DPP8: variants seen among roughly 807,000 people sequenced by gnomAD.
DPP8 encodes the protein dipeptidyl peptidase 8.
DPP8 carries 31 observed loss-of-function variants against 107.5 expected under a neutral mutation model. The ratio of observed to expected loss-of-function variants is 0.29; its 90% CI spans 0.22 to 0.39. The LOEUF (loss-of-function observed/expected upper bound fraction) is 0.39. DPP8 is among the 10% of genes least tolerant of loss of function. The pLI is 1.00. For missense variants in DPP8, 842 were observed against 1,076.1 expected (o/e 0.78, Z 3.04); for synonymous variants, 381 against 356.6 (o/e 1.07, Z -0.77).
chr15:65,456,431 C>G (rs1158447165), intron 15 of DPP8, 60 bp from the exon 16 acceptor site: 2 of 1,498,328 alleles, frequency 1.3e-6, no homozygotes, highest in African/African-American at 1.4e-5. Flanking sequence ...CCAAGAGCGG[C>G]TGGGCATTGC....
At chr15:65,493,011 C>T (rs1443331155) in intron 5 of DPP8, among the ~76,000 whole-genome samples, 1 of 152,024 alleles carries the variant, frequency 6.6e-6, no homozygotes, top group Non-Finnish European at 1.5e-5. Context: ...AGTTTGAATC[C>T]AAAAAGAAAT....
intron 3 of DPP8, among the ~76,000 whole-genome samples, chr15:65,504,618 G>C (rs2069709194): frequency 7.1e-6 from 1 of 140,160 alleles, no homozygotes; most frequent in African/African-American, 2.7e-5. Flanking sequence ...GCAGTGAGCT[G>C]AGAACGCGCC....
rs2070808105 is a variant in DPP8, at chr15:65,511,729, C to T, written c.259+566G>A. On this transcript the variant is annotated intron_variant, in intron 2 of 19. Transcript: ENST00000300141. Reference sequence around the variant, plus strand: ...TACACACATACATACACACACCACACACACACACAAATAAATAAACACATA... The same window carrying T: ...TACACACATACATACACACACCACATACACACACAAATAAATAAACACATA... Among the ~76,000 whole-genome samples the T allele has an allele frequency of 2.2e-4, 4 of 18,100 alleles. No homozygotes were observed. The Admixed American group carries it at 3.7e-3, about 17-fold the overall frequency. 11.9% of individuals were successfully genotyped at this position (18,100 alleles called of 152,430 possible).
At chr15:65,512,883 G>A (rs945776869) in intron 1 of DPP8, 5 of 279,906 alleles carry the variant, frequency 1.8e-5, no homozygotes, top group African/African-American at 1.1e-4. Flanking sequence ...AAGGAAACAG[G>A]CCATTTGCCA....
At chr15:65,453,983 G>A (rs2064188326) in intron 17 of DPP8, among the ~76,000 whole-genome samples, 1 of 151,716 alleles carries the variant, frequency 6.6e-6, no homozygotes, top group Non-Finnish European at 1.5e-5. Flanking sequence ...CAGGTGTGGT[G>A]GTGGGCACTT....
intron 12 of DPP8, among the ~76,000 whole-genome samples, chr15:65,469,103 G>A (rs1183130628): frequency 6.6e-6 from 1 of 152,062 alleles, no homozygotes; most frequent in Non-Finnish European, 1.5e-5. Context: ...AGCCTCCTGA[G>A]TAGCTGGGAT....
chr15:65,499,340 C>A (rs910485985), intron 4 of DPP8, among the ~76,000 whole-genome samples: 1 of 151,802 alleles, frequency 6.6e-6, no homozygotes, highest in African/African-American at 2.4e-5. Flanking sequence ...TCAAGCAATT[C>A]TCGTGCTTCA....
chr15:65,488,230 C>T (rs573408274), intron 6 of DPP8, among the ~76,000 whole-genome samples: 1 of 152,162 alleles, frequency 6.6e-6, no homozygotes, highest in South Asian at 2.1e-4. Flanking sequence ...CATCTTCTAA[C>T]AAATACAACA....
rs185606849 is a variant in DPP8 at position 65,514,569 on chromosome 15, C to T, written c.-11-2005G>A. 3.9e-4 allele frequency among the ~76,000 whole-genome samples: 60 copies of T among 152,170 alleles called. No individual in the cohort carries two copies. The East Asian group carries it at 0.011, about 29-fold the overall frequency. On this transcript the variant is annotated intron_variant, in intron 1 of 19. Coordinates refer to ENST00000300141, the MANE Select transcript of DPP8 (RefSeq NM_130434.5). ...TGTCACCCAGGGTAGAGTGCAGTGG[C>T]GCGAGATCTCGGCTCACTGCAAACT...
chr15:65,476,751 C>T (rs1595956133), intron 11 of DPP8, among the ~76,000 whole-genome samples: 2 of 152,200 alleles, frequency 1.3e-5, no homozygotes, highest in South Asian at 4.1e-4. Context: ...CCCACGTCCA[C>T]AGCAGCATTA....
intron 19 of DPP8, among the ~76,000 whole-genome samples, chr15:65,448,686 A>ATATATATATAT (rs1473140344): frequency 7.3e-6 from 1 of 136,508 alleles, no homozygotes; most frequent in African/African-American, 2.8e-5. Flanking sequence ...AAAAAAAAAA[A>ATATATATATAT]AAAAATATAT....
At chr15:65,500,089 A>T (rs140870641) in intron 4 of DPP8, among the ~76,000 whole-genome samples, 3 of 151,818 alleles carry the variant, frequency 2.0e-5, no homozygotes, top group African/African-American at 7.2e-5. Flanking sequence ...TTTTGTAGAG[A>T]CAGGGTCTCT....
chr15:65,464,062 C>T (rs1436915846), intron 14 of DPP8, among the ~76,000 whole-genome samples, 156 bp from the exon 15 acceptor site: 1 of 152,048 alleles, frequency 6.6e-6, no homozygotes, highest in Non-Finnish European at 1.5e-5. Context: ...AGAGTATATT[C>T]ATCTTTAAAA....
At chr15:65,512,209 TCAAA>T (rs1227211340) in intron 2 of DPP8, 82 bp downstream of exon 2, 2 of 1,323,398 alleles carry the variant, frequency 1.5e-6, no homozygotes, top group East Asian at 4.6e-5. Context: ...AATTTATTCA[TCAAA>T]CTTTTGAGTG....
At chr15:65,516,131 C>T (rs1035712847) in intron 1 of DPP8, 3 of 239,032 alleles carry the variant, frequency 1.3e-5, no homozygotes, top group Admixed American at 5.6e-5. Context: ...TCATCAAAAA[C>T]GGCATATGAT....
intron 15 of DPP8, among the ~76,000 whole-genome samples, chr15:65,461,832 C>G (rs1224225057): frequency 6.6e-6 from 1 of 151,946 alleles, no homozygotes; most frequent in Non-Finnish European, 1.5e-5. Context: ...AACCTCTGAC[C>G]TCATGATCCG....
At chr15:65,513,631 G>C (rs1247570855) in intron 1 of DPP8, among the ~76,000 whole-genome samples, 1 of 152,214 alleles carries the variant, frequency 6.6e-6, no homozygotes, top group Non-Finnish European at 1.5e-5. Flanking sequence ...AGCTGAAGTA[G>C]TTGATACAGA....
At position 65,512,446 on chromosome 15, in the gene DPP8, A is replaced by G. The variant is rs2070907701; in HGVS notation, c.108T>C (p.Tyr36=). ...SQDRPKLEPF[Y]VERYSWSQLK... ...GCTGACTCCAGGAATACCGCTCAAC[A>G]TAAAAAGGCTCCAATTTAGGCCGAT... The change falls in exon 2 of 20, where the codon TAT becomes TAC. Residue 36 remains tyrosine (Y), a synonymous_variant. Coordinates refer to ENST00000300141, the MANE Select transcript of DPP8 (RefSeq NM_130434.5). 6.2e-7 allele frequency: 1 copy of G among 1,614,030 alleles called. No individual in the cohort carries two copies. Among genetic ancestry groups the G allele is most frequent in the African/African-American group, 1.3e-5 (1 of 74,912 alleles).
chr15:65,514,013 G>A (rs888738220), intron 1 of DPP8, among the ~76,000 whole-genome samples: 2 of 152,128 alleles, frequency 1.3e-5, no homozygotes, highest in Non-Finnish European at 2.9e-5. Context: ...ATAAATACAA[G>A]GCTGTACATT....
Sources: allele counts gnomAD v4.1 joint callset (sites outside exome capture counted in the v4.1 genomes callset), GRCh38; gene constraint gnomAD v4.1.1; transcripts MANE v1.5; gene names NCBI Gene and HGNC (gene_info 2026-07-23, HGNC 2026-07-21).